MTRF1L: variants seen among roughly 807,000 people sequenced by gnomAD.
MTRF1L encodes the protein mitochondrial translation release factor 1 like.
In MTRF1L, 29 loss-of-function variants were observed where a neutral mutation model predicts 40.0. The observed-to-expected ratio is 0.73, with a 90% CI of 0.54 to 0.99. The LOEUF is 0.99. Ranked by LOEUF, MTRF1L falls within the 50% of genes least tolerant of loss-of-function variation. The pLI is 0.00. For synonymous variants in MTRF1L, 150 were observed against 175.8 expected, an observed-to-expected ratio of 0.85 and a Z score of 1.16; for missense variants, 412 against 464.5, an observed-to-expected ratio of 0.89 and a Z score of 1.04.
rs140602586 is a variant in MTRF1L, at chr6:152,989,660, T to C, written c.*235A>G. ...TAACGTTATATGCATTTTTAACTTA[T>C]GATGGGTTTATTGGGAATTAACCAC... is the stretch of plus-strand genomic sequence containing the variant. On this transcript the variant is annotated 3_prime_UTR_variant, in exon 7 of 7. Transcript: ENST00000367233. 1,930 of 494,926 alleles carry C rather than the reference T, an allele frequency of 3.9e-3. 43 individuals are homozygous for C. In the Admixed American group the frequency reaches 0.048, roughly 12 times the overall value. The allele number at this position is 494,926 out of a possible 1,614,324, so 30.7% of individuals were successfully genotyped here.
chr6:152,996,098 TAAAAC>T (rs1039190158), intron 2 of MTRF1L, among the ~76,000 whole-genome samples: 5 of 152,310 alleles, frequency 3.3e-5, no homozygotes, highest in African/African-American at 7.2e-5. Context: ...CTGTAATTCT[TAAAAC>T]AATCTTGGGT....
rs975079423 is a variant in MTRF1L at position 152,987,475 on chromosome 6, T to A, written c.*2420A>T. ...AGTCTTGCTTTTTAGAAAGATTAGT[T>A]TGGCAGTTACTTATTTGTAACCAGA... is the stretch of plus-strand genomic sequence containing the variant. On this transcript the variant is annotated 3_prime_UTR_variant, in exon 7 of 7. Transcript: ENST00000367233. 1 of 152,180 alleles carries A rather than the reference T, an allele frequency of 6.6e-6. No individual in the cohort carries two copies. Among genetic ancestry groups the A allele is most frequent in the Non-Finnish European group, 1.5e-5 (1 of 68,038 alleles). The allele number at this position is 152,180 out of a possible 1,614,324, so 9.4% of individuals were successfully genotyped here. A position where few individuals can be genotyped will look rare whatever the true frequency, so the allele number is the denominator to read the frequency against.
Position 152,994,556 on chromosome 6 carries a change from T to A in MTRF1L, c.644A>T (p.His215Leu). The A allele has an allele frequency of 6.2e-7, 1 of 1,612,386 alleles. No individual in the cohort carries two copies. Among genetic ancestry groups the A allele is most frequent in the Non-Finnish European group, 8.5e-7 (1 of 1,179,946 alleles). The change falls in exon 4 of 7, where the codon CAT (histidine) becomes CTT (leucine). Residue 215 changes from histidine (H) to leucine (L), a missense_variant. Transcript: ENST00000367233. ...VPKTEKQGRV[H>L]TSTMTVAILP... is the part of the protein sequence containing the mutation. ...TATTGCTACAGTCATGGTGCTAGTA[T>A]GGACGCGGCCTTGCTTTTCTGTCTT...
At position 152,989,811 on chromosome 6, in the gene MTRF1L, C is replaced by A; in HGVS notation, c.*84G>T. On this transcript the variant is annotated 3_prime_UTR_variant, in exon 7 of 7. Transcript: ENST00000367233. ...CCAACTGTGTTAACTCAACGTTTTT[C>A]AAGAGAGTAAGGGTACTTTCACCCT... 6.9e-7 allele frequency: 1 copy of A among 1,443,350 alleles called. No homozygotes were observed. The highest frequency in any genetic ancestry group is 9.2e-7 in the Non-Finnish European group (1 of 1,086,328). The allele number at this position is 1,443,350 out of a possible 1,614,324, so 89.4% of individuals were successfully genotyped here.
At chr6:153,001,918 TG>T (rs1211440949) in intron 1 of MTRF1L, among the ~76,000 whole-genome samples, 1 of 152,230 alleles carries the variant, frequency 6.6e-6, no homozygotes, top group Non-Finnish European at 1.5e-5. Context: ...CCAAATTCTT[TG>T]TCTTGCAAGG....
At chr6:152,997,220 T>C (rs552352950) in intron 2 of MTRF1L, among the ~76,000 whole-genome samples, 2 of 152,280 alleles carry the variant, frequency 1.3e-5, no homozygotes, top group East Asian at 3.9e-4. Context: ...TCTGCATCAA[T>C]TTGTGAGGAA....
chr6:152,991,624 GC>G (rs1778522350), intron 5 of MTRF1L, among the ~76,000 whole-genome samples: 1 of 152,166 alleles, frequency 6.6e-6, no homozygotes, highest in South Asian at 2.1e-4. Flanking sequence ...TCGGCTCACT[GC>G]AAGCTCCGCC....
chr6:152,995,444 G>C, intron 2 of MTRF1L, 125 bp from the exon 3 acceptor site: 1 of 810,312 alleles, frequency 1.2e-6, no homozygotes. Context: ...TAATATTGCT[G>C]AGTACTGTTC....
Position 153,002,393 on chromosome 6 carries a change from G to T in MTRF1L, c.259+34C>A, listed in dbSNP as rs181061114. 11 of 1,613,854 alleles carry T rather than the reference G, an allele frequency of 6.8e-6. No individual in the cohort carries two copies. The East Asian group carries it at 2.5e-4, about 36-fold the overall frequency. On this transcript the variant is annotated intron_variant, in intron 1 of 6. Coordinates refer to ENST00000367233, the MANE Select transcript of MTRF1L (RefSeq NM_019041.7). ...AAGTCAAACGAAGAGTCAAGAATGT[G>T]CTCTGACGCCTCTCCCCCGGGCCCG... is the stretch of plus-strand genomic sequence containing the variant.
Position 152,990,009 on chromosome 6 carries a change from C to G in MTRF1L, c.1029G>C (p.Leu343=). 1 of 1,613,766 alleles carries G rather than the reference C, an allele frequency of 6.2e-7. No individual in the cohort carries two copies. The highest frequency in any genetic ancestry group is 8.5e-7 in the Non-Finnish European group (1 of 1,179,852). Residue 343 remains leucine, a synonymous_variant, in exon 7 of 7, where the codon CTG becomes CTC. Transcript: ENST00000367233. ...CTTGCATAAAAGTTTCAAGATCATGCAGCGTCTTGTTTATTCTGTGATCTG... is the reference window on the plus strand; with the variant it reads ...CTTGCATAAAAGTTTCAAGATCATGGAGCGTCTTGTTTATTCTGTGATCTG... ...RVTDHRINKT[L]HDLETFMQGD... is the part of the protein sequence containing the mutation.
chr6:152,994,684 A>T lies in MTRF1L; in HGVS notation c.524-8T>A, dbSNP rs749032631. The T allele has an allele frequency of 3.7e-6, 6 of 1,614,116 alleles. No homozygotes were observed. In the East Asian group the frequency reaches 1.3e-4, roughly 36 times the overall value. On this transcript the variant is annotated splice_polypyrimidine_tract_variant and splice_region_variant and intron_variant, in intron 3 of 6. Coordinates refer to ENST00000367233, the MANE Select transcript of MTRF1L (RefSeq NM_019041.7). Reference sequence around the variant, plus strand: ...ATGCATGTCTAAGGCCACCTTGAAAATACAGGGAAATAGAATTATTTTTAT... The same window carrying T: ...ATGCATGTCTAAGGCCACCTTGAAATTACAGGGAAATAGAATTATTTTTAT...
At position 152,989,731 on chromosome 6, in the gene MTRF1L, G is replaced by A; in HGVS notation, c.*164C>T. 1.5e-6 allele frequency: 1 copy of A among 657,014 alleles called. No individual in the cohort carries two copies. The highest frequency in any genetic ancestry group is 2.5e-6 in the Non-Finnish European group (1 of 402,798). 40.7% of individuals were successfully genotyped at this position (657,014 alleles called of 1,614,324 possible). A position where few individuals can be genotyped will look rare whatever the true frequency, so the allele number is the denominator to read the frequency against. On this transcript the variant is annotated 3_prime_UTR_variant, in exon 7 of 7. Transcript: ENST00000367233. Reference sequence around the variant, plus strand: ...TGTATATTGTATGATTTTTGCTAATGCATTGAGAGAGATCTGTGTAAATTA... The same window carrying A: ...TGTATATTGTATGATTTTTGCTAATACATTGAGAGAGATCTGTGTAAATTA...
chr6:152,994,723 T>C, intron 3 of MTRF1L, 47 bp from the exon 4 acceptor site: 1 of 1,605,200 alleles, frequency 6.2e-7, no homozygotes, highest in Non-Finnish European at 8.5e-7. Context: ...TCCTGCCATT[T>C]ATAAATAATT....
rs1324542783 is a variant in MTRF1L, at chr6:152,989,992, A to C, written c.1046T>G (p.Phe349Cys). Reference protein sequence around the residue: ...INKTLHDLETFMQGDYLLDEL... With the variant: ...INKTLHDLETCMQGDYLLDEL... ...ATCCAGTAGATAATCTCCTTGCATA[A>C]AAGTTTCAAGATCATGCAGCGTCTT... Residue 349 changes from phenylalanine to cysteine, a missense_variant, in exon 7 of 7, where the codon TTT (phenylalanine) becomes TGT (cysteine). Physicochemically the swap from Phe to Cys is radical, Grantham distance 205. Coordinates refer to ENST00000367233, the MANE Select transcript of MTRF1L (RefSeq NM_019041.7). The C allele has an allele frequency of 1.2e-6, 2 of 1,613,690 alleles. No homozygotes were observed. The highest frequency in any genetic ancestry group is 2.2e-5 in the South Asian group (2 of 91,012).
At chr6:152,993,072 C>G (rs1047447723) in intron 4 of MTRF1L, 98 bp from the exon 5 acceptor site, 1 of 854,898 alleles carries the variant, frequency 1.2e-6, no homozygotes, top group African/African-American at 1.7e-5. Context: ...GTACAGAATT[C>G]ATATATTTGG....
chr6:152,990,242 A>G, intron 6 of MTRF1L, 147 bp from the exon 7 acceptor site: 2 of 1,117,092 alleles, frequency 1.8e-6, no homozygotes, highest in South Asian at 3.3e-5. Flanking sequence ...CTCAAATGAC[A>G]TGGGAACATG....
At chr6:152,997,362 T>C (rs1178722036) in intron 2 of MTRF1L, among the ~76,000 whole-genome samples, 1 of 152,190 alleles carries the variant, frequency 6.6e-6, no homozygotes, top group South Asian at 2.1e-4. Flanking sequence ...GAGCAAACTT[T>C]CCACTGGATG....
intron 4 of MTRF1L, 122 bp downstream of exon 4, chr6:152,994,391 G>A: frequency 1.0e-6 from 1 of 976,254 alleles, no homozygotes; most frequent in Non-Finnish European, 1.5e-6. Flanking sequence ...GAGATAATAT[G>A]CAACTCAAAA....
rs756012411 is a variant in MTRF1L, at chr6:153,002,402, C to G, written c.259+25G>C. On this transcript the variant is annotated intron_variant, in intron 1 of 6. Transcript: ENST00000367233. ...GAAGAGTCAAGAATGTGCTCTGACG[C>G]CTCTCCCCCGGGCCCGACCCTTACC... 3 of 1,613,798 alleles carry G rather than the reference C, an allele frequency of 1.9e-6. No individual in the cohort carries two copies. The Admixed American group carries it at 5.0e-5, about 27-fold the overall frequency.
Sources: gnomAD v4.1 joint callset for allele counts (sites outside exome capture counted in the v4.1 genomes callset) on GRCh38, gnomAD v4.1.1 for gene constraint, MANE v1.5 for transcripts, NCBI Gene and HGNC (gene_info 2026-07-23, HGNC 2026-07-21) for gene names.